The following LRRC8C variants were observed in gnomAD, a reference collection of about 807,000 sequenced individuals.
LRRC8C encodes the protein volume-regulated anion channel subunit LRRC8C.
Under a neutral mutation model 55.3 loss-of-function variants are expected in LRRC8C, and 20 were observed. The observed-to-expected ratio is 0.36, with a 90% confidence interval of 0.25 to 0.53. The LOEUF is 0.53. Among genes scored for constraint, LRRC8C ranks in the 20% least tolerant of loss-of-function variants. The pLI is 0.92. For missense variants in LRRC8C, 659 were observed against 951.4 expected (o/e 0.69, Z 4.04); for synonymous variants, 376 against 360.7 (o/e 1.04, Z -0.48).
At chr1:89,659,949 T>C (rs748734394) in intron 1 of LRRC8C, among the ~76,000 whole-genome samples, 1 of 151,982 alleles carries the variant, frequency 6.6e-6, no homozygotes, top group Non-Finnish European at 1.5e-5. Context: ...AGTGAAGAGG[T>C]GAAGAGAGCA....
the LRRC8C span, among the ~76,000 whole-genome samples, chr1:89,616,058 G>A: frequency 3.9e-5 from 6 of 152,072 alleles, no homozygotes; most frequent in Admixed American, 3.9e-4. Flanking sequence ...CTAAGCTGCC[G>A]GCCCTGCTGG....
chr1:89,712,806 C>G lies in LRRC8C; in HGVS notation c.236C>G (p.Thr79Ser), dbSNP rs1394825220. The change falls in exon 3 of 3, where the codon ACT becomes AGT. Residue 79 changes from threonine to serine, a missense_variant. Thr to Ser is a moderately conservative substitution (Grantham distance 58). Around this residue, in one of 5 missense-constraint regions of LRRC8C, gnomAD observed 82 missense variants for 71.4 expected, o/e 1.15. Coordinates refer to ENST00000370454, the MANE Select transcript of LRRC8C (RefSeq NM_032270.5). ...GTCTCTCAAGCAGTTGCCAGTACCA[C>G]TCCACTGCCTCCACCTAAACCATCT... ...SNVSQAVAST[T>S]PLPPPKPSPA... 1.2e-6 allele frequency: 2 copies of G among 1,614,196 alleles called. No individual in the cohort carries two copies. Among genetic ancestry groups the G allele is most frequent in the Non-Finnish European group, 1.7e-6 (2 of 1,180,022 alleles).
At chr1:89,617,400 G>A in the LRRC8C span, among the ~76,000 whole-genome samples, 1 of 152,178 alleles carries the variant, frequency 6.6e-6, no homozygotes. Flanking sequence ...GTCTTCAGAT[G>A]ATTCATGGGC....
At chr1:89,638,575 C>T (rs1202118444) in intron 1 of LRRC8C, among the ~76,000 whole-genome samples, 1 of 152,074 alleles carries the variant, frequency 6.6e-6, no homozygotes, top group Non-Finnish European at 1.5e-5. Flanking sequence ...AAATAGTCAA[C>T]ATATCTATAA....
chr1:89,714,292 T>C lies in LRRC8C; in HGVS notation c.1722T>C (p.Asn574=), dbSNP rs1219924821. 6.2e-7 allele frequency: 1 copy of C among 1,614,124 alleles called. No homozygotes were observed. Among genetic ancestry groups the C allele is most frequent in the East Asian group, 2.2e-5 (1 of 44,882 alleles). The change falls in exon 3 of 3, where the codon AAT becomes AAC. Residue 574 remains asparagine, a synonymous_variant. Coordinates refer to ENST00000370454, the MANE Select transcript of LRRC8C (RefSeq NM_032270.5). This position sits in a 1 kb window ranked among gnomAD's most constrained non-coding sequence, Gnocchi z 4.6. The part of the protein sequence containing the change: ...SSHLQKMCIH[N]DGTKLVMLNN... ...ATCTCCAGAAGATGTGCATACATAA[T>C]GATGGCACCAAGCTGGTGATGCTCA...
At chr1:89,616,366 C>T in the LRRC8C span, among the ~76,000 whole-genome samples, 5 of 152,112 alleles carry the variant, frequency 3.3e-5, no homozygotes, top group South Asian at 2.1e-4. Context: ...AATTCAGGGG[C>T]GTGGGAACAG....
intron 1 of LRRC8C, among the ~76,000 whole-genome samples, chr1:89,635,937 C>T (rs934790011): frequency 1.3e-5 from 2 of 152,188 alleles, no homozygotes; most frequent in African/African-American, 4.8e-5. Context: ...AAGCATATTA[C>T]AACTAATGAG....
chr1:89,631,024 T>C (rs114417260), upstream of LRRC8C, among the ~76,000 whole-genome samples: 1 of 152,160 alleles, frequency 6.6e-6, no homozygotes, highest in African/African-American at 2.4e-5. Flanking sequence ...ATAAAGCAAC[T>C]TGGGGTGGAC....
At chr1:89,630,209 C>T (rs1489133714), upstream of LRRC8C, among the ~76,000 whole-genome samples, 1 of 152,124 alleles carries the variant, frequency 6.6e-6, no homozygotes, top group Non-Finnish European at 1.5e-5. Context: ...TTTCTTACAG[C>T]TAACAACAAA....
intron 2 of LRRC8C, among the ~76,000 whole-genome samples, chr1:89,698,906 G>T (rs1347313011): frequency 6.6e-6 from 1 of 151,776 alleles, no homozygotes; most frequent in African/African-American, 2.4e-5. Flanking sequence ...GTTATTTCCT[G>T]GCCATGATAT....
chr1:89,710,667 T>C (rs560199116), intron 2 of LRRC8C, among the ~76,000 whole-genome samples: 2 of 152,352 alleles, frequency 1.3e-5, no homozygotes, highest in South Asian at 2.1e-4. Context: ...CCCCCTGCTT[T>C]ATCTTCCCAA....
chr1:89,701,656 T>C (rs867518895), intron 2 of LRRC8C, among the ~76,000 whole-genome samples: 1 of 152,114 alleles, frequency 6.6e-6, no homozygotes, highest in Non-Finnish European at 1.5e-5. Flanking sequence ...AGCAACACAA[T>C]TTTTCATAAT....
Position 89,712,992 on chromosome 1 carries a change from G to C in LRRC8C, c.422G>C (p.Cys141Ser). The C allele has an allele frequency of 6.2e-7, 1 of 1,613,502 alleles. No individual in the cohort carries two copies. Among genetic ancestry groups the C allele is most frequent in the Non-Finnish European group, 8.5e-7 (1 of 1,180,014 alleles). Residue 141 changes from cysteine to serine, a missense_variant, in exon 3 of 3, where the codon TGC becomes TCC. Around this residue, in one of 5 missense-constraint regions of LRRC8C, gnomAD observed 200 missense variants for 360.5 expected, o/e 0.55. Coordinates refer to ENST00000370454, the MANE Select transcript of LRRC8C (RefSeq NM_032270.5). Reference protein sequence around the residue: ...VLIHTLVFMLCSNFWFKFPGS... With the variant: ...VLIHTLVFMLSSNFWFKFPGS... ...ATCCATACCCTGGTCTTTATGCTCT[G>C]CAGTAACTTTTGGTTCAAATTCCCT...
chr1:89,678,352 T>C (rs1342834738), intron 1 of LRRC8C, among the ~76,000 whole-genome samples: 2 of 152,160 alleles, frequency 1.3e-5, no homozygotes, highest in East Asian at 1.9e-4. Flanking sequence ...AACTGAAAAA[T>C]TAAGTTCTGC....
chr1:89,658,710 A>G (rs1325422271), intron 1 of LRRC8C, among the ~76,000 whole-genome samples: 1 of 152,210 alleles, frequency 6.6e-6, no homozygotes, highest in East Asian at 1.9e-4. Context: ...GTGATAAACT[A>G]TAAAATGTTT....
At chr1:89,666,045 A>G (rs1456150569) in intron 1 of LRRC8C, among the ~76,000 whole-genome samples, 1 of 152,198 alleles carries the variant, frequency 6.6e-6, no homozygotes, top group Non-Finnish European at 1.5e-5. Context: ...AGTAGGCTAT[A>G]CCGTCTAGGA....
intron 1 of LRRC8C, among the ~76,000 whole-genome samples, chr1:89,641,972 A>G (rs1656468639): frequency 6.6e-6 from 1 of 152,228 alleles, no homozygotes; most frequent in Non-Finnish European, 1.5e-5. Flanking sequence ...GCCATATGAT[A>G]TTGCACAACC....
chr1:89,714,064 C>T lies in LRRC8C; in HGVS notation c.1494C>T (p.Val498=), dbSNP rs1658734989. The change falls in exon 3 of 3, where the codon GTC becomes GTT. Residue 498 remains valine, a synonymous_variant. Transcript: ENST00000370454. This position sits in a 1 kb window ranked among gnomAD's most constrained non-coding sequence, Gnocchi z 4.6. ...FLKENLKVLS[V]KFDDMRELPP... ...AGGAAAACCTCAAGGTCTTGAGCGT[C>T]AAGTTTGATGACATGAGGGAACTCC... The T allele has an allele frequency of 5.0e-6, 8 of 1,613,908 alleles. No individual in the cohort carries two copies. The highest frequency in any genetic ancestry group is 5.9e-6 in the Non-Finnish European group (7 of 1,180,002).
chr1:89,706,482 C>A, intron 2 of LRRC8C: 1 of 366,038 alleles, frequency 2.7e-6, no homozygotes, highest in Non-Finnish European at 5.4e-6. Context: ...ATGATTCTAA[C>A]AAAGGACTAA....
Sources: allele counts gnomAD v4.1 joint callset (sites outside exome capture counted in the v4.1 genomes callset), GRCh38; gene constraint gnomAD v4.1.1; regional missense constraint gnomAD v4.1.1; non-coding constraint Gnocchi (gnomAD v3.1); transcripts MANE v1.5; gene names NCBI Gene and HGNC (gene_info 2026-07-23, HGNC 2026-07-21).